Variants in STK33 observed in about 807,000 individuals in gnomAD.
The protein encoded by STK33 is serine/threonine kinase 33, also known as serine/threonine-protein kinase 33.
A neutral mutation model predicts 58.0 loss-of-function variants in STK33; 52 were observed. The ratio of observed to expected loss-of-function variants is 0.90; its 90% confidence interval spans 0.72 to 1.13. The LOEUF (loss-of-function observed/expected upper bound fraction) is 1.13, where lower values mean the gene tolerates loss of function less well. Ranked by LOEUF, STK33 falls within the 50% of genes most tolerant of loss-of-function variation. STK33 has a pLI of 0.00. For synonymous variants in STK33, 215 were observed against 200.1 expected, an observed-to-expected ratio of 1.07 and a Z score of -0.63; for missense variants, 630 against 604.2, an observed-to-expected ratio of 1.04 and a Z score of -0.45.
rs2033063059 is a variant in STK33 at position 8,594,178 on chromosome 11, C to T, written c.-561G>A. ...TCTGCACCGGGAGAAACTTTTCAGC[C>T]CGCAGAGCAACCGCAGGGCAGTGGA... On this transcript the variant is annotated 5_prime_UTR_variant, in exon 1 of 16. Transcript: ENST00000687296. 1 of 152,314 alleles carries T rather than the reference C, an allele frequency of 6.6e-6. No homozygotes were observed. 9.4% of individuals were successfully genotyped at this position (152,314 alleles called of 1,614,324 possible).
intron 10 of STK33, 22 bp from the exon 11 acceptor site, chr11:8,452,928 C>G: frequency 6.2e-7 from 1 of 1,603,280 alleles, no homozygotes; most frequent in Non-Finnish European, 8.5e-7. Flanking sequence ...AATTCAAGCA[C>G]AGTCACCTGT....
chr11:8,498,969 C>G (rs1257210488), intron 1 of STK33, among the ~76,000 whole-genome samples: 1 of 152,128 alleles, frequency 6.6e-6, no homozygotes, highest in African/African-American at 2.4e-5. Flanking sequence ...GACCTAAAAC[C>G]ATAAAACCCC....
At chr11:8,372,092 T>C in the STK33 span, among the ~76,000 whole-genome samples, 1 of 152,108 alleles carries the variant, frequency 6.6e-6, no homozygotes, top group East Asian at 1.9e-4. Context: ...TGATCCTAAC[T>C]CCTAGGCTCA....
chr11:8,520,622 A>T (rs1565258485), intron 1 of STK33, among the ~76,000 whole-genome samples: 1 of 152,226 alleles, frequency 6.6e-6, no homozygotes, highest in South Asian at 2.1e-4. Context: ...AATCTCCTTA[A>T]GCTGATATGC....
At chr11:8,469,024 G>T (rs1948514237) in intron 6 of STK33, among the ~76,000 whole-genome samples, 1 of 152,176 alleles carries the variant, frequency 6.6e-6, no homozygotes, top group African/African-American at 2.4e-5. Flanking sequence ...GGAGGGTCCT[G>T]CCTCCATGTA....
At chr11:8,568,210 T>C (rs962991080) in intron 1 of STK33, among the ~76,000 whole-genome samples, 1 of 152,194 alleles carries the variant, frequency 6.6e-6, no homozygotes, top group African/African-American at 2.4e-5. Context: ...AGTACCCAAA[T>C]TCATTTTAGT....
chr11:8,382,845 A>T, the STK33 span, among the ~76,000 whole-genome samples: 1 of 152,180 alleles, frequency 6.6e-6, no homozygotes, highest in Non-Finnish European at 1.5e-5. Context: ...CTTCCTGGAT[A>T]ATCTCAGGGC....
At chr11:8,356,051 G>A in the STK33 span, among the ~76,000 whole-genome samples, 1 of 152,216 alleles carries the variant, frequency 6.6e-6, no homozygotes, top group Non-Finnish European at 1.5e-5. Context: ...GTTCTACCCC[G>A]TAACAGGGGG....
intron 1 of STK33, among the ~76,000 whole-genome samples, chr11:8,487,701 T>C (rs985722608): frequency 6.6e-6 from 1 of 152,058 alleles, no homozygotes; most frequent in Non-Finnish European, 1.5e-5. Context: ...AATTTTCAAA[T>C]AAGATGAAGA....
At chr11:8,500,249 C>A (rs4341524) in intron 1 of STK33, among the ~76,000 whole-genome samples, 151,414 of 152,168 alleles carry the variant, frequency 1, 75,333 homozygotes, top group East Asian at 1. Context: ...ATTATGATGG[C>A]AGAAGAAAAA....
intron 1 of STK33, among the ~76,000 whole-genome samples, chr11:8,502,925 G>A (rs997659381): frequency 3.3e-5 from 5 of 152,122 alleles, no homozygotes; most frequent in Non-Finnish European, 5.9e-5. Flanking sequence ...ACCACAATGA[G>A]ATACCATTTC....
intron 11 of STK33, among the ~76,000 whole-genome samples, chr11:8,449,315 C>T (rs1205531915): frequency 1.3e-5 from 2 of 151,488 alleles, no homozygotes; most frequent in Non-Finnish European, 2.9e-5. Flanking sequence ...ATCATGCTGC[C>T]ATAAAGACAC....
the STK33 span, among the ~76,000 whole-genome samples, chr11:8,372,973 C>T: frequency 1.3e-5 from 2 of 152,182 alleles, no homozygotes; most frequent in African/African-American, 4.8e-5. Flanking sequence ...CCCCATGCAG[C>T]AGGGAGGGCT....
chr11:8,364,069 T>C, the STK33 span, among the ~76,000 whole-genome samples: 2 of 152,218 alleles, frequency 1.3e-5, no homozygotes, highest in Admixed American at 1.3e-4. Context: ...TCTCTGGAAG[T>C]TCCTTCGGTG....
At chr11:8,389,438 G>A (rs575719215), downstream of STK33, among the ~76,000 whole-genome samples, 62 of 152,304 alleles carry the variant, frequency 4.1e-4, no homozygotes, top group Non-Finnish European at 7.8e-4. Context: ...GGGCAGAGAC[G>A]GCAGAGCAGG....
At chr11:8,367,054 A>G in the STK33 span, among the ~76,000 whole-genome samples, 1 of 152,262 alleles carries the variant, frequency 6.6e-6, no homozygotes, top group East Asian at 1.9e-4. Flanking sequence ...TGTGCATTCT[A>G]TGTCTGCATT....
At chr11:8,519,359 T>C (rs528277085) in intron 1 of STK33, among the ~76,000 whole-genome samples, 43 of 152,272 alleles carry the variant, frequency 2.8e-4, no homozygotes, top group African/African-American at 9.6e-4. Context: ...GAGGGAAATT[T>C]ATAGCACTAA....
At chr11:8,469,879 G>A (rs926228146) in intron 6 of STK33, among the ~76,000 whole-genome samples, 2 of 152,208 alleles carry the variant, frequency 1.3e-5, no homozygotes, top group African/African-American at 4.8e-5. Context: ...GTGAGAAGTA[G>A]GTCTCAAATG....
chr11:8,424,374 A>C (rs1424013971), intron 14 of STK33, among the ~76,000 whole-genome samples: 4 of 149,736 alleles, frequency 2.7e-5, no homozygotes, highest in Non-Finnish European at 5.9e-5. Flanking sequence ...TCATTTTCTT[A>C]ATCCAGTCTA....
Sources: allele counts gnomAD v4.1 joint callset (sites outside exome capture counted in the v4.1 genomes callset), GRCh38; gene constraint gnomAD v4.1.1; transcripts MANE v1.5; gene names NCBI Gene and HGNC (gene_info 2026-07-23, HGNC 2026-07-21).